Variants in ANK2 observed in about 807,000 individuals in gnomAD.
The protein encoded by ANK2 is ankyrin-2.
A neutral mutation model predicts 360.5 loss-of-function variants in ANK2; 83 were observed. The observed-to-expected ratio is 0.23, with a 90% CI of 0.19 to 0.28. ANK2 has a LOEUF of 0.28. ANK2 is among the 10% of genes least tolerant of loss of function. The probability of loss-of-function intolerance (pLI) is 1.00; values close to 1 mark genes in which losing one functional copy is unlikely to be tolerated. For synonymous variants in ANK2, 1,740 were observed against 1,759.5 expected (o/e 0.99, Z 0.28); for missense variants, 4,201 against 4,795.7 (o/e 0.88, Z 3.66).
At chr4:113,094,906 A>G (rs1480774520) in intron 1 of ANK2, among the ~76,000 whole-genome samples, 1 of 152,172 alleles carries the variant, frequency 6.6e-6, no homozygotes, top group Non-Finnish European at 1.5e-5. Flanking sequence ...CTTGTTTTTT[A>G]AAAAATTTAG....
upstream of ANK2, among the ~76,000 whole-genome samples, chr4:113,048,246 GTGTATATATA>G (rs1167896816): frequency 2.9e-3 from 160 of 54,604 alleles, 2 homozygotes; most frequent in African/African-American, 5.5e-3. Context: ...ATCTACAAGT[GTGTATATATA>G]TATATATATA....
chr4:112,999,925 G>A lies in ANK2; in HGVS notation c.21+95411G>A, dbSNP rs143106191. On this transcript the variant is annotated intron_variant, in intron 2 of 30. Coordinates refer to the ANK2 transcript ENST00000503271. ...TGTGGCAATTAAGAGTGACAGAGAG[G>A]AAAAAAACTTTTCCTCTATGCTCCT... 7.2e-5 allele frequency among the ~76,000 whole-genome samples: 11 copies of A among 152,140 alleles called. No individual in the cohort carries two copies. In the East Asian group the frequency reaches 2.1e-3, roughly 29 times the overall value.
At position 113,358,085 on chromosome 4, in the gene ANK2, C is replaced by T; in HGVS notation, c.9467C>T (p.Pro3156Leu). 6.2e-7 allele frequency: 1 copy of T among 1,614,022 alleles called. No homozygotes were observed. The change falls in exon 38 of 46, where the codon CCC (proline) becomes CTC (leucine). Residue 3156 changes from proline to leucine, a missense_variant. Physicochemically the swap from Pro to Leu is moderately conservative, Grantham distance 98 (BLOSUM62 -3). Coordinates refer to ENST00000357077, the MANE Select transcript of ANK2 (RefSeq NM_001148.6). ...AAAGAAGGGGCTACTGGGGCTGATCCCCTACCGCTGGAGACATCAGCTGAA... is the reference window on the plus strand; with the variant it reads ...AAAGAAGGGGCTACTGGGGCTGATCTCCTACCGCTGGAGACATCAGCTGAA... ...DVKEGATGAD[P>L]LPLETSAESL...
intron 1 of ANK2, among the ~76,000 whole-genome samples, chr4:113,154,124 C>T (rs1441383657): frequency 6.6e-6 from 1 of 152,180 alleles, no homozygotes; most frequent in African/African-American, 2.4e-5. Context: ...ATGGAGGATA[C>T]TCTGCCAGCA....
intron 2 of ANK2, among the ~76,000 whole-genome samples, chr4:112,939,512 G>C (rs1005254764): frequency 6.6e-6 from 1 of 151,360 alleles, no homozygotes; most frequent in South Asian, 2.1e-4. Flanking sequence ...ACAGGGTTTC[G>C]CCATGTTGGC....
intron 1 of ANK2, among the ~76,000 whole-genome samples, chr4:113,116,712 G>A (rs1380478336): frequency 6.6e-6 from 1 of 152,226 alleles, no homozygotes; most frequent in East Asian, 1.9e-4. Context: ...AGCAGCAGCA[G>A]CAGCAGCAGC....
chr4:113,146,675 A>ATT (rs34395279), intron 1 of ANK2, among the ~76,000 whole-genome samples: 1 of 146,344 alleles, frequency 6.8e-6, no homozygotes, highest in Non-Finnish European at 1.5e-5. Context: ...GCTTATTGTG[A>ATT]TTTTTTTTTT....
the ANK2 span, among the ~76,000 whole-genome samples, chr4:112,791,761 G>A: frequency 6.6e-6 from 1 of 151,942 alleles, no homozygotes; most frequent in East Asian, 1.9e-4. Context: ...AAAGTGCTGG[G>A]ATTACAGGCG....
At position 113,358,018 on chromosome 4, in the gene ANK2, A is replaced by G. The variant is rs1297470655; in HGVS notation, c.9400A>G (p.Ile3134Val). 1.2e-6 allele frequency: 2 copies of G among 1,614,020 alleles called. No individual in the cohort carries two copies. Among genetic ancestry groups the G allele is most frequent in the Middle Eastern group, 1.6e-4 (1 of 6,062 alleles). ...AGATGAAAGTTTTCACTTTTTCCAAATTGGTCAAGAATCCAGGGAAGAGAC... is the reference window on the plus strand; with the variant it reads ...AGATGAAAGTTTTCACTTTTTCCAAGTTGGTCAAGAATCCAGGGAAGAGAC... ...YADESFHFFQ[I>V]GQESREETLS... The change falls in exon 38 of 46, where the codon ATT becomes GTT. Residue 3134 changes from isoleucine (I) to valine (V), a missense_variant. By Grantham distance (29) the Ile-to-Val change is conservative. Coordinates refer to ENST00000357077, the MANE Select transcript of ANK2 (RefSeq NM_001148.6).
At chr4:113,151,023 A>G in intron 1 of ANK2, 2 of 1,228,378 alleles carry the variant, frequency 1.6e-6, no homozygotes, top group Non-Finnish European at 2.1e-6. Context: ...GAATGAATTA[A>G]TGACTAGGAA....
rs752145926 is a variant in ANK2, at chr4:113,373,131, A to T, written c.11652A>T (p.Glu3884Asp). The change falls in exon 44 of 46, where the codon GAA becomes GAT. Residue 3884 changes from glutamate to aspartate, a missense_variant. This residue lies in a region of ANK2 where 2,642 missense variants were observed against 2,714.5 expected (regional missense o/e 0.97). Coordinates refer to ENST00000357077, the MANE Select transcript of ANK2 (RefSeq NM_001148.6). ...AAATACCCCCAGAAACAGTCACAGA[A>T]GAAGAATACATTGATGAGCATGGAC... ...MPEIPPETVT[E>D]EEYIDEHGHT... is the part of the protein sequence containing the mutation. The T allele has an allele frequency of 6.2e-7, 1 of 1,614,182 alleles. No homozygotes were observed.
intron 13 of ANK2, among the ~76,000 whole-genome samples, chr4:113,260,014 T>C (rs967173918): frequency 2.0e-5 from 3 of 152,162 alleles, no homozygotes; most frequent in African/African-American, 7.2e-5. Context: ...AGAGGAGCAA[T>C]AGTGACACTG....
At chr4:112,764,375 G>T in the ANK2 span, among the ~76,000 whole-genome samples, 1 of 151,084 alleles carries the variant, frequency 6.6e-6, no homozygotes, top group African/African-American at 2.4e-5. Flanking sequence ...CGTTCTTGTT[G>T]TCCAGGCTGG....
intron 2 of ANK2, among the ~76,000 whole-genome samples, chr4:113,020,016 G>T (rs1177953656): frequency 1.3e-5 from 2 of 152,158 alleles, no homozygotes; most frequent in Non-Finnish European, 2.9e-5. Flanking sequence ...TAGGTAACTG[G>T]TTAGGCTTTT....
intron 1 of ANK2, among the ~76,000 whole-genome samples, chr4:113,125,148 A>C (rs1001361239): frequency 1.3e-5 from 2 of 152,176 alleles, no homozygotes; most frequent in African/African-American, 4.8e-5. Context: ...TTGTCTGTAA[A>C]AAAAGCCTTC....
At chr4:112,776,676 G>T in the ANK2 span, among the ~76,000 whole-genome samples, 1 of 152,160 alleles carries the variant, frequency 6.6e-6, no homozygotes, top group Non-Finnish European at 1.5e-5. Context: ...AATACTTACA[G>T]ATTTGTCTTA....
At chr4:113,242,264 T>C in intron 9 of ANK2, 55 bp downstream of exon 9, 5 of 1,497,854 alleles carry the variant, frequency 3.3e-6, no homozygotes, top group Non-Finnish European at 3.7e-6. Flanking sequence ...TCAAGCCTCA[T>C]AGAAGGCACC....
chr4:113,022,664 T>G (rs1214981795), intron 2 of ANK2, among the ~76,000 whole-genome samples: 1 of 152,198 alleles, frequency 6.6e-6, no homozygotes, highest in Non-Finnish European at 1.5e-5. Flanking sequence ...TCACTTACCT[T>G]GAAGAATTTA....
chr4:112,867,568 C>T (rs945544134), intron 1 of ANK2, among the ~76,000 whole-genome samples: 1 of 152,026 alleles, frequency 6.6e-6, no homozygotes, highest in Non-Finnish European at 1.5e-5. Context: ...CCCCCCTACT[C>T]CCTCATCCCT....
Sources: gnomAD v4.1 joint callset for allele counts (sites outside exome capture counted in the v4.1 genomes callset) on GRCh38, gnomAD v4.1.1 for gene constraint, gnomAD v4.1.1 regional missense constraint, MANE v1.5 for transcripts, NCBI Gene and HGNC (gene_info 2026-07-23, HGNC 2026-07-21) for gene names.